The following PPP6R2 variants were observed in gnomAD, a reference collection of about 807,000 sequenced individuals.
PPP6R2 encodes protein phosphatase 6 regulatory subunit 2, also known as serine/threonine-protein phosphatase 6 regulatory subunit 2.
PPP6R2 carries 62 observed loss-of-function variants against 100.2 expected under a neutral mutation model. The ratio of observed to expected loss-of-function variants is 0.62; its 90% CI spans 0.50 to 0.76. The LOEUF (loss-of-function observed/expected upper bound fraction) is 0.76. Among genes scored for constraint, PPP6R2 ranks in the 30% least tolerant of loss-of-function variants. The pLI, the probability that PPP6R2 is intolerant of heterozygous loss-of-function variation, is 0.00. For synonymous variants in PPP6R2, 525 were observed against 514.7 expected, an observed-to-expected ratio of 1.02 and a Z score of -0.27; for missense variants, 1,142 against 1,276.3, an observed-to-expected ratio of 0.89 and a Z score of 1.60.
chr22:50,401,496 G>A lies in PPP6R2; in HGVS notation c.228-5193G>A, dbSNP rs866641921. ...TGCTGGATTACAGGCGTGAGCCACC[G>A]CGCCAGGCCAATTTTTTTTTTTTTT... On this transcript the variant is annotated intron_variant, in intron 3 of 23. Transcript: ENST00000612753. Among the ~76,000 whole-genome samples the A allele has an allele frequency of 5.5e-4, 77 of 141,086 alleles. 1 individual carries two copies. The highest frequency in any genetic ancestry group is 7.2e-4 in the Non-Finnish European group (47 of 65,536). The allele number at this position is 141,086 out of a possible 152,430, so 92.6% of individuals were successfully genotyped here.
the PPP6R2 span, among the ~76,000 whole-genome samples, chr22:50,334,356 C>T: frequency 6.6e-6 from 1 of 152,252 alleles, no homozygotes; most frequent in African/African-American, 2.4e-5. Context: ...CTGGTCACTT[C>T]TCACCGTGTC....
the PPP6R2 span, among the ~76,000 whole-genome samples, chr22:50,337,900 CTG>C: frequency 0.019 from 1,291 of 69,690 alleles, 17 homozygotes; most frequent in African/African-American, 0.068. Flanking sequence ...TGTGTGTGGT[CTG>C]TGTGGTGTAG....
chr22:50,400,257 A>G (rs2057800559), intron 3 of PPP6R2, among the ~76,000 whole-genome samples: 1 of 152,204 alleles, frequency 6.6e-6, no homozygotes, highest in South Asian at 2.1e-4. Context: ...GCCACTGACC[A>G]TCCACTCCAC....
intron 2 of PPP6R2, among the ~76,000 whole-genome samples, chr22:50,385,507 G>GT (rs71318815): frequency 0.072 from 9,402 of 131,312 alleles, 659 homozygotes; most frequent in African/African-American, 0.19. Context: ...CAGGGATTAA[G>GT]TTTTTTTTTT....
intron 10 of PPP6R2, among the ~76,000 whole-genome samples, chr22:50,426,562 C>T (rs1350269163): frequency 6.6e-6 from 1 of 152,044 alleles, no homozygotes; most frequent in Admixed American, 6.6e-5. Flanking sequence ...AGGCCGGGCA[C>T]GGTGGTTCAC....
Position 50,438,777 on chromosome 22 carries a change from C to G in PPP6R2, c.2128+15C>G, listed in dbSNP as rs769923545. On this transcript the variant is annotated intron_variant, in intron 19 of 23. Transcript: ENST00000612753. ...TGACTCAGAAGGTGGTGCTGGGCGC[C>G]AGGGGCTGGGAGTGTGGGTATCGGG... 8.2e-6 allele frequency: 13 copies of G among 1,579,532 alleles called. No homozygotes were observed. Among genetic ancestry groups the G allele is most frequent in the Non-Finnish European group, 1.0e-5 (12 of 1,163,158 alleles).
At chr22:50,421,626 A>G (rs2061345938) in intron 8 of PPP6R2, among the ~76,000 whole-genome samples, 1 of 152,066 alleles carries the variant, frequency 6.6e-6, no homozygotes, top group African/African-American at 2.4e-5. Flanking sequence ...AAAACACCAC[A>G]GGGGGTAGGC....
At chr22:50,383,137 C>T (rs966290593) in intron 2 of PPP6R2, among the ~76,000 whole-genome samples, 3 of 152,098 alleles carry the variant, frequency 2.0e-5, no homozygotes, top group Admixed American at 6.6e-5. Flanking sequence ...CACACCCGGC[C>T]TGATTTAGAA....
chr22:50,402,328 CT>C (rs566570369), intron 3 of PPP6R2, among the ~76,000 whole-genome samples: 47,538 of 134,736 alleles, frequency 0.35, 8,321 homozygotes, highest in African/African-American at 0.41. Flanking sequence ...ACCCCAGTTT[CT>C]TTTTTTTTTT....
At chr22:50,416,359 G>A (rs1328833390) in intron 6 of PPP6R2, among the ~76,000 whole-genome samples, 3 of 149,486 alleles carry the variant, frequency 2.0e-5, no homozygotes, top group Non-Finnish European at 3.0e-5. Context: ...ATGGCGTTTC[G>A]CTCTTGTTGC....
chr22:50,384,046 A>AG (rs2053681798), intron 2 of PPP6R2, among the ~76,000 whole-genome samples: 2 of 151,690 alleles, frequency 1.3e-5, no homozygotes, highest in East Asian at 3.9e-4. Flanking sequence ...AAAAAAAAAA[A>AG]AAAAAAAAGA....
At chr22:50,437,420 T>G in intron 15 of PPP6R2, 86 bp from the exon 16 acceptor site, 1 of 904,572 alleles carries the variant, frequency 1.1e-6, no homozygotes, top group South Asian at 1.4e-5. Flanking sequence ...CTAGAGAGAT[T>G]GTGGTTCCCA....
At chr22:50,351,747 C>A (rs917187240) in intron 1 of PPP6R2, among the ~76,000 whole-genome samples, 3 of 152,144 alleles carry the variant, frequency 2.0e-5, no homozygotes, top group African/African-American at 7.2e-5. Context: ...GATTCTCCTG[C>A]CTCAGCCTCT....
At chr22:50,427,879 C>T (rs537605102) in intron 10 of PPP6R2, among the ~76,000 whole-genome samples, 13 of 152,348 alleles carry the variant, frequency 8.5e-5, no homozygotes, top group African/African-American at 3.1e-4. Flanking sequence ...TGCTACCTCG[C>T]GTGGCTAATT....
At position 50,431,442 on chromosome 22, in the gene PPP6R2, A is replaced by C. The variant is rs1006076893; in HGVS notation, c.1335+60A>C. 2 of 1,474,496 alleles carry C rather than the reference A, an allele frequency of 1.4e-6. No homozygotes were observed. Among genetic ancestry groups the C allele is most frequent in the African/African-American group, 2.8e-5 (2 of 72,242 alleles). The allele number at this position is 1,474,496 out of a possible 1,614,324, so 91.3% of individuals were successfully genotyped here. ...ACTGCGCCCCACTCAGACCGTGTCC[A>C]TGTCAGCGCTGACGTGTGCCGGACC... On this transcript the variant is annotated intron_variant, in intron 11 of 23. Transcript: ENST00000612753. The surrounding 1 kb of genome is among the most constrained non-coding windows in gnomAD (Gnocchi z 4.8).
At chr22:50,339,582 T>G (rs572609984), upstream of PPP6R2, among the ~76,000 whole-genome samples, 6 of 109,250 alleles carry the variant, frequency 5.5e-5, no homozygotes, top group East Asian at 3.0e-4. Flanking sequence ...AGTGTGTGTG[T>G]GGTGTGTGTG....
chr22:50,334,993 C>A, the PPP6R2 span, among the ~76,000 whole-genome samples: 1 of 151,830 alleles, frequency 6.6e-6, no homozygotes, highest in African/African-American at 2.4e-5. Flanking sequence ...TGAGATTTTG[C>A]CAGAGATTAC....
intron 6 of PPP6R2, among the ~76,000 whole-genome samples, chr22:50,417,287 G>A (rs1408784102): frequency 2.0e-5 from 3 of 152,100 alleles, no homozygotes; most frequent in Non-Finnish European, 4.4e-5. Context: ...GTGGAGCTGA[G>A]CTTTCCCCTC....
At chr22:50,415,969 G>C in intron 5 of PPP6R2, 123 bp from the exon 6 acceptor site, 1 of 836,194 alleles carries the variant, frequency 1.2e-6, no homozygotes, top group Non-Finnish European at 2.0e-6. Flanking sequence ...CTGGGTCTGG[G>C]GTGTGTCAGG....
Sources: allele counts gnomAD v4.1 joint callset (sites outside exome capture counted in the v4.1 genomes callset), GRCh38; gene constraint gnomAD v4.1.1; non-coding constraint Gnocchi (gnomAD v3.1); transcripts MANE v1.5; gene names NCBI Gene and HGNC (gene_info 2026-07-23, HGNC 2026-07-21).